USP40: variants seen among roughly 807,000 people sequenced by gnomAD.
The protein encoded by USP40 is ubiquitin specific peptidase 40, also known as ubiquitin carboxyl-terminal hydrolase 40.
In USP40, 143 loss-of-function variants were observed where a neutral mutation model predicts 166.2. The observed-to-expected ratio is 0.86, with a 90% CI of 0.75 to 0.99. The LOEUF (loss-of-function observed/expected upper bound fraction) is 0.99. USP40 is among the 50% of genes least tolerant of loss of function. The pLI is 0.00. For synonymous variants in USP40, 498 were observed against 524.0 expected, an observed-to-expected ratio of 0.95 and a Z score of 0.68; for missense variants, 1,444 against 1,479.7, an observed-to-expected ratio of 0.98 and a Z score of 0.40.
At chr2:233,494,954 A>T (rs868809750) in intron 24 of USP40, among the ~76,000 whole-genome samples, 463 of 26,654 alleles carry the variant, frequency 0.017, no homozygotes, top group Non-Finnish European at 0.025. Context: ...ATATATATAT[A>T]TTTATATATA....
At chr2:233,530,931 T>C (rs2068473354) in intron 11 of USP40, among the ~76,000 whole-genome samples, 1 of 152,196 alleles carries the variant, frequency 6.6e-6, no homozygotes, top group Non-Finnish European at 1.5e-5. Flanking sequence ...TTTCTTTGCT[T>C]TTATGCTTAG....
At chr2:233,511,001 G>A (rs1380742602) in intron 20 of USP40, among the ~76,000 whole-genome samples, 1 of 152,150 alleles carries the variant, frequency 6.6e-6, no homozygotes, top group Non-Finnish European at 1.5e-5. Context: ...CGGTTCAGGG[G>A]AAAGCAAGTT....
intron 24 of USP40, among the ~76,000 whole-genome samples, chr2:233,496,190 T>C (rs2065741273): frequency 6.6e-6 from 1 of 152,206 alleles, no homozygotes; most frequent in African/African-American, 2.4e-5. Flanking sequence ...GGGCCATTTG[T>C]TTCTCTTTTG....
intron 10 of USP40, among the ~76,000 whole-genome samples, chr2:233,537,453 A>T (rs911727330): frequency 2.6e-5 from 4 of 152,210 alleles, no homozygotes; most frequent in Non-Finnish European, 5.9e-5. Context: ...TGGACCACAG[A>T]TATTAAAAAT....
intron 8 of USP40, among the ~76,000 whole-genome samples, chr2:233,543,842 C>T (rs538381824): frequency 1.3e-4 from 20 of 152,360 alleles, no homozygotes; most frequent in African/African-American, 4.3e-4. Flanking sequence ...CTTGCTGACA[C>T]TGAACTTCCA....
intron 14 of USP40, among the ~76,000 whole-genome samples, chr2:233,525,015 C>CT (rs2067917935): frequency 6.6e-6 from 1 of 152,240 alleles, no homozygotes. Flanking sequence ...TTAGATGTTA[C>CT]TGCCGCTACT....
At chr2:233,499,313 T>A (rs1215122178) in intron 22 of USP40, among the ~76,000 whole-genome samples, 1 of 152,080 alleles carries the variant, frequency 6.6e-6, no homozygotes, top group South Asian at 2.1e-4. Context: ...TCCAGCTCCA[T>A]CCATGACCCT....
At chr2:233,528,810 T>C (rs942936432) in intron 12 of USP40, among the ~76,000 whole-genome samples, 6 of 152,090 alleles carry the variant, frequency 3.9e-5, no homozygotes, top group African/African-American at 1.2e-4. Flanking sequence ...GTAACATCCA[T>C]TTTCCTAACC....
At chr2:233,524,719 T>C (rs1449951656) in intron 14 of USP40, among the ~76,000 whole-genome samples, 157 bp from the exon 15 acceptor site, 1 of 152,246 alleles carries the variant, frequency 6.6e-6, no homozygotes, top group Non-Finnish European at 1.5e-5. Flanking sequence ...TATTTCATTG[T>C]AATTTTTCTT....
At chr2:233,552,236 A>AC (rs1261696892) in intron 6 of USP40, among the ~76,000 whole-genome samples, 4 of 151,426 alleles carry the variant, frequency 2.6e-5, no homozygotes, top group African/African-American at 9.7e-5. Flanking sequence ...AAAAAAAAAA[A>AC]CAAAAAACCC....
In USP40 at chr2:233,540,662, C is replaced by G; in HGVS notation, c.1170G>C (p.Lys390Asn). 11 of 1,604,422 alleles carry G rather than the reference C, an allele frequency of 6.9e-6. No individual in the cohort carries two copies. Among genetic ancestry groups the G allele is most frequent in the Non-Finnish European group, 9.4e-6 (11 of 1,173,324 alleles). The change falls in exon 10 of 32, where the codon AAG becomes AAC. Residue 390 changes from lysine (K) to asparagine (N), a missense_variant and splice_region_variant. Lys to Asn is a moderately conservative substitution (Grantham distance 94). Transcript: ENST00000678225. ...TTCCCAAAACGATGCCATGTATTAC[C>G]TTCCGCAGTGGTCCATGCTGTTTTC... is the stretch of plus-strand genomic sequence containing the variant. ...KYRKQHGPLR[K>N]FLQLHSQIFL...
intron 25 of USP40, among the ~76,000 whole-genome samples, chr2:233,491,608 G>C (rs981304641): frequency 6.2e-5 from 1 of 16,200 alleles, no homozygotes; most frequent in Admixed American, 5.4e-4. Context: ...TTCCTCGTGT[G>C]TGTGTGTGTG....
chr2:233,485,666 C>A (rs1202486477), intron 29 of USP40, 40 bp from the exon 30 acceptor site: 1 of 1,605,242 alleles, frequency 6.2e-7, no homozygotes, highest in Non-Finnish European at 8.5e-7. Context: ...CAAAACTCAA[C>A]CTCAAGTTCT....
intron 16 of USP40, among the ~76,000 whole-genome samples, chr2:233,522,682 T>G (rs2067739709): frequency 6.6e-6 from 1 of 152,218 alleles, no homozygotes; most frequent in African/African-American, 2.4e-5. Flanking sequence ...GCCACGTAAC[T>G]GCTCTATTTG....
At chr2:233,539,694 G>T (rs894265382) in intron 10 of USP40, among the ~76,000 whole-genome samples, 1 of 150,912 alleles carries the variant, frequency 6.6e-6, no homozygotes, top group Non-Finnish European at 1.5e-5. Context: ...GTATTAGAAG[G>T]TTTAAAAAAA....
intron 2 of USP40, among the ~76,000 whole-genome samples, chr2:233,564,459 G>C (rs2071953090): frequency 2.0e-5 from 3 of 152,166 alleles, no homozygotes; most frequent in Admixed American, 2.0e-4. Flanking sequence ...CTGGTTTGCA[G>C]AGATGGGGTA....
intron 15 of USP40, among the ~76,000 whole-genome samples, chr2:233,523,897 A>C (rs1266739476): frequency 6.6e-6 from 1 of 151,766 alleles, no homozygotes; most frequent in East Asian, 1.9e-4. Flanking sequence ...CTATGCACAG[A>C]CCCCCTACTC....
intron 31 of USP40, among the ~76,000 whole-genome samples, chr2:233,478,366 A>G (rs771721359): frequency 1.3e-5 from 2 of 152,152 alleles, no homozygotes; most frequent in Non-Finnish European, 2.9e-5. Flanking sequence ...AGTGTTGCCA[A>G]TAGGCATGTG....
chr2:233,528,576 T>C (rs961878344), intron 12 of USP40, among the ~76,000 whole-genome samples: 1 of 152,164 alleles, frequency 6.6e-6, no homozygotes, highest in African/African-American at 2.4e-5. Flanking sequence ...TTATTTTTAT[T>C]TTTTTAAAAT....
Sources: gnomAD v4.1 joint callset for allele counts (sites outside exome capture counted in the v4.1 genomes callset) on GRCh38, gnomAD v4.1.1 for gene constraint, MANE v1.5 for transcripts, NCBI Gene and HGNC (gene_info 2026-07-23, HGNC 2026-07-21) for gene names.